BDNF: variants seen among roughly 807,000 people sequenced by gnomAD.
BDNF encodes the protein brain derived neurotrophic factor.
BDNF carries 1 observed loss-of-function variant against 19.5 expected under a neutral mutation model. The ratio of observed to expected loss-of-function variants is 0.05; its 90% CI spans 0.02 to 0.24. The LOEUF (loss-of-function observed/expected upper bound fraction) is 0.24, where lower values mean the gene tolerates loss of function less well. Ranked by LOEUF, BDNF falls within the 10% of genes least tolerant of loss-of-function variation. The probability of loss-of-function intolerance (pLI) is 1.00; values close to 1 mark genes in which losing one functional copy is unlikely to be tolerated. For missense variants in BDNF, 195 were observed against 317.6 expected (o/e 0.61, Z 2.93); for synonymous variants, 100 against 121.6 (o/e 0.82, Z 1.17).
chr11:27,709,104 C>T (rs1048596445), intron 1 of BDNF, among the ~76,000 whole-genome samples: 1 of 152,154 alleles, frequency 6.6e-6, no homozygotes. Context: ...GCTGGGATTA[C>T]AGGCATGAGC....
chr11:27,716,440 TACACACACACACACAG>T (rs950119683), intron 1 of BDNF, among the ~76,000 whole-genome samples: 5 of 86,572 alleles, frequency 5.8e-5, no homozygotes, highest in Admixed American at 2.7e-4. Context: ...CACACGCCCA[TACACACACACACACAG>T]ACACACACAC....
chr11:27,694,346 A>G (rs1039171845), intron 1 of BDNF, among the ~76,000 whole-genome samples: 1 of 152,198 alleles, frequency 6.6e-6, no homozygotes, highest in African/African-American at 2.4e-5. Context: ...CTTTTCCTCC[A>G]ATTTCTGCCT....
At chr11:27,687,936 G>A (rs1857707019) in intron 1 of BDNF, among the ~76,000 whole-genome samples, 1 of 152,204 alleles carries the variant, frequency 6.6e-6, no homozygotes, top group African/African-American at 2.4e-5. Context: ...CTCAAGTGCT[G>A]TGCTGGGAGA....
chr11:27,715,576 G>A (rs10219241), intron 1 of BDNF, among the ~76,000 whole-genome samples: 73,696 of 151,962 alleles, frequency 0.48, 18,201 homozygotes, highest in South Asian at 0.64. Flanking sequence ...CTGAAATTTT[G>A]AAAACTATTT....
intron 1 of BDNF, among the ~76,000 whole-genome samples, chr11:27,682,288 C>CT (rs1304318336): frequency 3.3e-5 from 5 of 151,848 alleles, no homozygotes; most frequent in Non-Finnish European, 5.9e-5. Flanking sequence ...ATCTTGGAGA[C>CT]TAAGATCTCA....
intron 1 of BDNF, 82 bp downstream of exon 1, chr11:27,700,082 T>G: frequency 2.1e-6 from 2 of 974,878 alleles, no homozygotes; most frequent in Non-Finnish European, 2.4e-6. Flanking sequence ...TCCCACAACT[T>G]TGGGGTGGGG....
chr11:27,702,111 C>T (rs532580520), upstream of BDNF, among the ~76,000 whole-genome samples: 7 of 152,302 alleles, frequency 4.6e-5, no homozygotes, highest in African/African-American at 7.2e-5. Context: ...CTCTGTCAAC[C>T]GTCTACCTGT....
At chr11:27,706,288 G>T (rs932104010) in intron 1 of BDNF, among the ~76,000 whole-genome samples, 1 of 152,158 alleles carries the variant, frequency 6.6e-6, no homozygotes, top group Non-Finnish European at 1.5e-5. Flanking sequence ...ATAAAAGATA[G>T]GTCCAGAAGG....
intron 1 of BDNF, among the ~76,000 whole-genome samples, chr11:27,666,839 C>A (rs550596272): frequency 1.3e-5 from 2 of 152,120 alleles, no homozygotes; most frequent in East Asian, 3.9e-4. Context: ...AGTTGGAAAA[C>A]GCTCTGCAGG....
intron 1 of BDNF, among the ~76,000 whole-genome samples, chr11:27,693,039 C>T (rs1858507704): frequency 6.6e-6 from 1 of 152,206 alleles, no homozygotes; most frequent in African/African-American, 2.4e-5. Context: ...GTCCCCTCAA[C>T]CATTGCTCAC....
chr11:27,717,050 C>T (rs1189877434), intron 1 of BDNF, among the ~76,000 whole-genome samples: 1 of 152,072 alleles, frequency 6.6e-6, no homozygotes, highest in Non-Finnish European at 1.5e-5. Context: ...TAAAGCTTCC[C>T]CTAGAGGACA....
chr11:27,681,641 T>A (rs6484320), intron 1 of BDNF, among the ~76,000 whole-genome samples: 124,137 of 152,098 alleles, frequency 0.82, 51,301 homozygotes, highest in African/African-American at 0.92. Context: ...AGTTTTAGTC[T>A]TGTAAACTTT....
At chr11:27,663,367 C>G (rs1466697906) in intron 1 of BDNF, among the ~76,000 whole-genome samples, 1 of 152,194 alleles carries the variant, frequency 6.6e-6, no homozygotes, top group African/African-American at 2.4e-5. Flanking sequence ...GCCCCACTGT[C>G]AGGAAATTCA....
upstream of BDNF, among the ~76,000 whole-genome samples, chr11:27,703,968 AT>A (rs550890417): frequency 6.6e-6 from 1 of 152,180 alleles, no homozygotes; most frequent in Non-Finnish European, 1.5e-5. Flanking sequence ...TCTAAATATT[AT>A]TTTTTATTTG....
upstream of BDNF, chr11:27,701,002 C>G (rs754061487): frequency 5.9e-6 from 8 of 1,361,486 alleles, no homozygotes; most frequent in East Asian, 2.3e-4. Context: ...ACGGAGCTTG[C>G]GAACGCGAGC....
intron 1 of BDNF, among the ~76,000 whole-genome samples, chr11:27,693,867 A>C (rs908264423): frequency 2.0e-5 from 3 of 152,240 alleles, no homozygotes; most frequent in African/African-American, 7.2e-5. Context: ...ACCAAGACTG[A>C]TTAGACTAAA....
upstream of BDNF, among the ~76,000 whole-genome samples, chr11:27,704,817 T>A (rs1860045112): frequency 6.6e-6 from 1 of 152,210 alleles, no homozygotes; most frequent in Non-Finnish European, 1.5e-5. Context: ...TCATGAGATG[T>A]TACGTTCTCA....
chr11:27,668,897 T>G (rs1854838191), intron 1 of BDNF, among the ~76,000 whole-genome samples: 1 of 152,230 alleles, frequency 6.6e-6, no homozygotes, highest in Admixed American at 6.5e-5. Flanking sequence ...GAATCCTCCC[T>G]AACTCATTTT....
At chr11:27,671,128 TG>T (rs1855299044) in intron 1 of BDNF, among the ~76,000 whole-genome samples, 1 of 151,566 alleles carries the variant, frequency 6.6e-6, no homozygotes. Flanking sequence ...GGACACAGGG[TG>T]GGGAACATCA....
Sources: allele counts gnomAD v4.1 joint callset (sites outside exome capture counted in the v4.1 genomes callset), GRCh38; gene constraint gnomAD v4.1.1; transcripts MANE v1.5; gene names NCBI Gene and HGNC (gene_info 2026-07-23, HGNC 2026-07-21).